BIN1: variants seen among roughly 807,000 people sequenced by gnomAD.
The protein encoded by BIN1 is myc box-dependent-interacting protein 1.
BIN1 carries 53 observed loss-of-function variants against 82.0 expected under a neutral mutation model. That is an observed-to-expected ratio of 0.65 (90% confidence interval 0.52 to 0.81). The LOEUF is 0.81. Among genes scored for constraint, BIN1 ranks in the 40% least tolerant of loss-of-function variants. The probability of loss-of-function intolerance (pLI) is 0.00; values close to 1 mark genes in which losing one functional copy is unlikely to be tolerated. For synonymous variants in BIN1, 302 were observed against 328.0 expected (o/e 0.92, Z 0.86); for missense variants, 642 against 784.4 (o/e 0.82, Z 2.17).
intron 2 of BIN1, among the ~76,000 whole-genome samples, chr2:127,071,328 C>T (rs1020682377): frequency 2.6e-5 from 4 of 152,116 alleles, no homozygotes; most frequent in African/African-American, 4.8e-5. Flanking sequence ...GGGCCCGGTG[C>T]GAGCCTGTAT....
chr2:127,054,202 C>T (rs1683346919), intron 12 of BIN1, 190 bp from the exon 13 acceptor site: 5 of 633,322 alleles, frequency 7.9e-6, no homozygotes, highest in South Asian at 7.1e-5. Context: ...ATCCACCTCA[C>T]ACACGGGAGC....
intron 15 of BIN1, 44 bp downstream of exon 15, chr2:127,052,211 G>T (rs776888553): frequency 5.9e-6 from 9 of 1,534,548 alleles, no homozygotes; most frequent in Non-Finnish European, 7.1e-6. Context: ...TGCACCCCTA[G>T]AGACTGGGGA....
chr2:127,076,046 C>T (rs1224351634), intron 2 of BIN1, among the ~76,000 whole-genome samples: 1 of 148,330 alleles, frequency 6.7e-6, no homozygotes, highest in Non-Finnish European at 1.5e-5. Flanking sequence ...GCCCTCGCAG[C>T]TGCTCCCAGT....
chr2:127,052,152 G>T, intron 15 of BIN1, 103 bp downstream of exon 15: 1 of 1,207,468 alleles, frequency 8.3e-7, no homozygotes, highest in South Asian at 1.3e-5. Flanking sequence ...TCACATCCAT[G>T]GTGGCCTGGT....
chr2:127,062,010 G>T, intron 10 of BIN1, 105 bp downstream of exon 10: 1 of 1,379,740 alleles, frequency 7.2e-7, no homozygotes, highest in Non-Finnish European at 9.9e-7. Flanking sequence ...GACCCCCAAG[G>T]CCAAACCCAT....
intron 9 of BIN1, among the ~76,000 whole-genome samples, chr2:127,062,715 C>T (rs909808352): frequency 3.9e-5 from 6 of 152,308 alleles, no homozygotes; most frequent in Non-Finnish European, 4.4e-5. Flanking sequence ...TATTTATAAA[C>T]AACTATGTTC....
At chr2:127,088,435 G>A (rs910192676) in intron 1 of BIN1, among the ~76,000 whole-genome samples, 5 of 152,110 alleles carry the variant, frequency 3.3e-5, no homozygotes, top group African/African-American at 9.7e-5. Flanking sequence ...GTGAGCCTCC[G>A]AACAAAAATG....
chr2:127,066,067 TG>T (rs1487442510), intron 7 of BIN1, among the ~76,000 whole-genome samples: 2 of 152,170 alleles, frequency 1.3e-5, no homozygotes, highest in African/African-American at 2.4e-5. Context: ...AGGGTCTGCA[TG>T]GAGCCGGCCA....
intron 14 of BIN1, chr2:127,053,008 C>CT: frequency 3.2e-6 from 1 of 308,236 alleles, no homozygotes; most frequent in South Asian, 3.4e-5. Flanking sequence ...TCTCCCCTTC[C>CT]TCGCAAACAG....
At chr2:127,080,127 G>C (rs937306326) in intron 1 of BIN1, among the ~76,000 whole-genome samples, 1 of 152,254 alleles carries the variant, frequency 6.6e-6, no homozygotes, top group African/African-American at 2.4e-5. Flanking sequence ...AGGGAACGCA[G>C]GCAAGTGGCC....
At chr2:127,053,270 C>T in intron 14 of BIN1, 152 bp downstream of exon 14, 1 of 1,168,102 alleles carries the variant, frequency 8.6e-7, no homozygotes, top group Middle Eastern at 2.3e-4. Context: ...GCTTCACCAG[C>T]TCCCTGTGCG....
At chr2:127,081,780 A>G (rs1687319484) in intron 1 of BIN1, 4 of 1,283,246 alleles carry the variant, frequency 3.1e-6, no homozygotes, top group Non-Finnish European at 4.1e-6. Flanking sequence ...TCTCCCTCCC[A>G]GGCACCCACC....
At chr2:127,081,930 G>A in intron 1 of BIN1, 3 of 1,256,786 alleles carry the variant, frequency 2.4e-6, no homozygotes, top group Non-Finnish European at 3.1e-6. Flanking sequence ...TGCGGTCGGG[G>A]GCCACGGAGG....
At position 127,078,183 on chromosome 2, in the gene BIN1, T is replaced by G. The variant is rs572105279; in HGVS notation, c.85-1477A>C. Among the ~76,000 whole-genome samples the G allele has an allele frequency of 2.0e-4, 30 of 151,818 alleles. No individual in the cohort carries two copies. In the South Asian group the frequency reaches 4.4e-3, roughly 22 times the overall value. ...CAGGTCCTGTGCTGCCCTGCTGCACTTCCCCCCCCAGCCAGGCCCAGAAGC... is the reference window on the plus strand; with the variant it reads ...CAGGTCCTGTGCTGCCCTGCTGCACGTCCCCCCCCAGCCAGGCCCAGAAGC... On this transcript the variant is annotated intron_variant, in intron 1 of 18. Transcript: ENST00000316724.
intron 1 of BIN1, among the ~76,000 whole-genome samples, chr2:127,101,868 C>A (rs2105344902): frequency 6.6e-6 from 1 of 152,204 alleles, no homozygotes; most frequent in Admixed American, 6.5e-5. Flanking sequence ...CTGATCAACC[C>A]CAGGCTCAGG....
rs1212091400 is a variant in BIN1, at chr2:127,057,564, T to C, written c.1040A>G (p.His347Arg). 1 of 1,540,302 alleles carries C rather than the reference T, an allele frequency of 6.5e-7. No homozygotes were observed. The highest frequency in any genetic ancestry group is 8.8e-7 in the Non-Finnish European group (1 of 1,139,700). The stretch of plus-strand genomic sequence containing the variant: ...CTGCTTGACTTCCTTGGACGGGGTG[T>C]GTTTGGGAGGCGGAGGGACTGGTGG... Reference protein sequence around the residue: ...KGPPVPPPPKHTPSKEVKQEQ... With the variant: ...KGPPVPPPPKRTPSKEVKQEQ... The change falls in exon 12 of 19, where the codon CAC becomes CGC. Residue 347 changes from histidine to arginine, a missense_variant. His to Arg is a conservative substitution (Grantham distance 29). Transcript: ENST00000316724. The surrounding 1 kb of genome is among the most constrained non-coding windows in gnomAD (Gnocchi z 5.0).
rs563574888 is a variant in BIN1 at position 127,084,359 on chromosome 2, G to A, written c.85-7653C>T. Among the ~76,000 whole-genome samples, 49 of 152,302 alleles carry A rather than the reference G, an allele frequency of 3.2e-4. 1 individual carries two copies. The South Asian group carries it at 5.2e-3, about 16-fold the overall frequency. On this transcript the variant is annotated intron_variant, in intron 1 of 18. Transcript: ENST00000316724. ...GTGGTGAGGATATCGTGAGTCCTTC[G>A]TTTTGCGTTCGTGATTCATTTTGAT...
chr2:127,055,142 C>A (rs1259306418), intron 12 of BIN1: 2 of 152,358 alleles, frequency 1.3e-5, no homozygotes, highest in Non-Finnish European at 2.9e-5. Context: ...GCTCTACACA[C>A]TCTTGACAGG....
Position 127,076,660 on chromosome 2 carries a change from A to G in BIN1, c.131T>C (p.Phe44Ser), listed in dbSNP as rs1467098257. ...GKADETKDEQFEQCVQNFNKQ... is the reference protein window; with the variant it reads ...GKADETKDEQSEQCVQNFNKQ... Reference sequence around the variant, plus strand: ...GTTGAAATTCTGGACGCACTGCTCAAACTGCTCATCCTTGGTCTCATCTGC... The same window carrying G: ...GTTGAAATTCTGGACGCACTGCTCAGACTGCTCATCCTTGGTCTCATCTGC... The change falls in exon 2 of 19, where the codon TTT becomes TCT. Residue 44 changes from phenylalanine (F) to serine (S), a missense_variant. Transcript: ENST00000316724. 6.2e-7 allele frequency: 1 copy of G among 1,614,110 alleles called. No homozygotes were observed. Among genetic ancestry groups the G allele is most frequent in the Non-Finnish European group, 8.5e-7 (1 of 1,180,024 alleles).
Sources: gnomAD v4.1 joint callset for allele counts (sites outside exome capture counted in the v4.1 genomes callset) on GRCh38, gnomAD v4.1.1 for gene constraint, Gnocchi (gnomAD v3.1) non-coding constraint, MANE v1.5 for transcripts, NCBI Gene and HGNC (gene_info 2026-07-23, HGNC 2026-07-21) for gene names.